Variants in SLC9B1 observed in about 807,000 individuals in gnomAD.
SLC9B1 encodes solute carrier family 9 member B1.
In SLC9B1, 32 loss-of-function variants were observed where a neutral mutation model predicts 51.7. That is an observed-to-expected ratio of 0.62 (90% confidence interval 0.47 to 0.83). The LOEUF is 0.83. SLC9B1 is among the 40% of genes least tolerant of loss of function. The pLI, the probability that SLC9B1 is intolerant of heterozygous loss-of-function variation, is 0.00. For synonymous variants in SLC9B1, 145 were observed against 212.7 expected (o/e 0.68, Z 2.77); for missense variants, 406 against 613.2 (o/e 0.66, Z 3.57).
chr4:102,944,335 A>G (rs1460501328), intron 6 of SLC9B1, among the ~76,000 whole-genome samples: 4 of 152,120 alleles, frequency 2.6e-5, no homozygotes, highest in Non-Finnish European at 4.4e-5. Context: ...GTGACATGCA[A>G]TTTATCCATA....
At chr4:103,000,555 T>C (rs1384721501) in intron 1 of SLC9B1, among the ~76,000 whole-genome samples, 1 of 152,230 alleles carries the variant, frequency 6.6e-6, no homozygotes, top group Non-Finnish European at 1.5e-5. Context: ...CTGTTCTAGA[T>C]GGGAGAAATT....
In SLC9B1 at chr4:103,013,680, A is replaced by G. The variant is rs556417402; in HGVS notation, c.-2+5919T>C. Among the ~76,000 whole-genome samples the G allele has an allele frequency of 5.9e-5, 9 of 152,316 alleles. No individual in the cohort carries two copies. In the East Asian group the frequency reaches 1.7e-3, roughly 29 times the overall value. ...CACAAACTCAAGATCTTTCCCCACC[A>G]AAGTTATTCCTTCTCTGGATAATTT... On this transcript the variant is annotated intron_variant, in intron 1 of 11. Coordinates refer to ENST00000296422, the MANE Select transcript of SLC9B1 (RefSeq NM_139173.4).
intron 6 of SLC9B1, among the ~76,000 whole-genome samples, chr4:102,935,800 G>T (rs572645767): frequency 6.6e-6 from 1 of 152,118 alleles, no homozygotes; most frequent in African/African-American, 2.4e-5. Context: ...TAAAACTCAC[G>T]AAGATGCTGC....
rs188467163 is a variant in SLC9B1 at position 102,965,808 on chromosome 4, T to C, written c.212-16381A>G. Among the ~76,000 whole-genome samples, 204 of 152,040 alleles carry C rather than the reference T, an allele frequency of 1.3e-3. No homozygotes were observed. The Middle Eastern group carries it at 0.017, about 13-fold the overall frequency. On this transcript the variant is annotated intron_variant, in intron 3 of 11. Coordinates refer to ENST00000296422, the MANE Select transcript of SLC9B1 (RefSeq NM_139173.4). ...ATAAAAAAAAAAACAACAAGTTATT[T>C]ACTTCCAAGATACAATGGTGGAATA...
chr4:102,932,416 T>G (rs1378949496), intron 6 of SLC9B1, 117 bp from the exon 7 acceptor site: 4 of 944,376 alleles, frequency 4.2e-6, no homozygotes, highest in Non-Finnish European at 6.3e-6. Context: ...ATTTCAAATT[T>G]GAGTGAATGC....
At chr4:102,974,536 A>T (rs570592890) in intron 3 of SLC9B1, among the ~76,000 whole-genome samples, 1 of 152,284 alleles carries the variant, frequency 6.6e-6, no homozygotes, top group South Asian at 2.1e-4. Context: ...ACTATATGAC[A>T]ACAGTCTAAA....
intron 1 of SLC9B1, among the ~76,000 whole-genome samples, chr4:102,999,202 G>T (rs779070959): frequency 4.6e-5 from 7 of 152,052 alleles, no homozygotes; most frequent in Non-Finnish European, 1.0e-4. Flanking sequence ...TATACTGTAG[G>T]TATTAATATC....
chr4:102,959,725 C>T (rs185165922), intron 3 of SLC9B1, among the ~76,000 whole-genome samples: 178 of 152,182 alleles, frequency 1.2e-3, no homozygotes, highest in African/African-American at 4.2e-3. Flanking sequence ...GTCAGGGGCC[C>T]GCTTGGCTGG....
chr4:102,973,971 C>G (rs954688808), intron 3 of SLC9B1, among the ~76,000 whole-genome samples: 1 of 152,108 alleles, frequency 6.6e-6, no homozygotes, highest in Admixed American at 6.5e-5. Context: ...CATGGTGGCT[C>G]AGGCCTGTAA....
chr4:102,912,780 G>C (rs1190983563), intron 7 of SLC9B1, among the ~76,000 whole-genome samples: 1 of 152,140 alleles, frequency 6.6e-6, no homozygotes, highest in Non-Finnish European at 1.5e-5. Context: ...TCAGTAGGCT[G>C]AGGGAGGAGG....
chr4:102,890,146 A>G (rs1181024183), intron 11 of SLC9B1: 1 of 152,230 alleles, frequency 6.6e-6, no homozygotes, highest in African/African-American at 2.4e-5. Context: ...AGCAAGTTGA[A>G]TTATGGAAAG....
At chr4:102,890,202 C>T (rs994426600) in intron 11 of SLC9B1, 10 of 152,132 alleles carry the variant, frequency 6.6e-5, no homozygotes, top group African/African-American at 1.7e-4. Context: ...ATGCCAAATA[C>T]GATGATTCAT....
At chr4:102,937,126 G>A (rs71597136) in intron 6 of SLC9B1, among the ~76,000 whole-genome samples, 3,888 of 152,070 alleles carry the variant, frequency 0.026, 75 homozygotes, top group Non-Finnish European at 0.038. Context: ...TTTTTGAGAT[G>A]GAGTCTCACT....
At chr4:103,005,376 T>C (rs976072557) in intron 1 of SLC9B1, among the ~76,000 whole-genome samples, 10 of 151,690 alleles carry the variant, frequency 6.6e-5, no homozygotes, top group African/African-American at 2.4e-4. Context: ...TACATAATGG[T>C]AAAGGGTTCA....
At chr4:103,018,753 C>T (rs1235612880) in intron 1 of SLC9B1, among the ~76,000 whole-genome samples, 1 of 152,130 alleles carries the variant, frequency 6.6e-6, no homozygotes, top group East Asian at 1.9e-4. Context: ...TGCAACTTTC[C>T]TTTTTCCTTC....
intron 7 of SLC9B1, among the ~76,000 whole-genome samples, chr4:102,926,552 A>T (rs534285206): frequency 6.6e-6 from 1 of 152,208 alleles, no homozygotes; most frequent in African/African-American, 2.4e-5. Context: ...GTTGTGAAGG[A>T]CCTCTTCAAG....
chr4:102,903,308 A>C (rs1734872281), intron 11 of SLC9B1, among the ~76,000 whole-genome samples: 1 of 152,224 alleles, frequency 6.6e-6, no homozygotes, highest in Non-Finnish European at 1.5e-5. Flanking sequence ...GTAGACATTA[A>C]AAATAAAAAG....
chr4:102,979,232 C>A (rs534576146), intron 3 of SLC9B1, among the ~76,000 whole-genome samples: 1 of 152,136 alleles, frequency 6.6e-6, no homozygotes, highest in Admixed American at 6.6e-5. Flanking sequence ...AAGTAGTTAA[C>A]CTGATTGGTG....
intron 3 of SLC9B1, among the ~76,000 whole-genome samples, chr4:102,949,706 C>T (rs1207800897): frequency 6.6e-6 from 1 of 152,136 alleles, no homozygotes; most frequent in Non-Finnish European, 1.5e-5. Context: ...ACACCTTAAT[C>T]CCAGCACTTT....
Sources: allele counts gnomAD v4.1 joint callset (sites outside exome capture counted in the v4.1 genomes callset), GRCh38; gene constraint gnomAD v4.1.1; transcripts MANE v1.5; gene names NCBI Gene and HGNC (gene_info 2026-07-23, HGNC 2026-07-21).